Variants in HERC1 observed in about 807,000 individuals in gnomAD.
HERC1 encodes HECT and RLD domain containing E3 ubiquitin protein ligase family member 1, also known as probable E3 ubiquitin-protein ligase HERC1.
HERC1 carries 160 observed loss-of-function variants against 554.3 expected under a neutral mutation model. That is an observed-to-expected ratio of 0.29 (90% confidence interval 0.25 to 0.33). The LOEUF is 0.33. Among genes scored for constraint, HERC1 ranks in the 10% least tolerant of loss-of-function variants. The pLI is 1.00. For missense variants in HERC1, 4,919 were observed against 5,918.5 expected (o/e 0.83, Z 5.54); for synonymous variants, 2,175 against 2,131.7 (o/e 1.02, Z -0.56).
intron 61 of HERC1, among the ~76,000 whole-genome samples, chr15:63,639,925 T>C (rs1397132209): frequency 6.6e-6 from 1 of 152,212 alleles, no homozygotes; most frequent in African/African-American, 2.4e-5. Context: ...CATTGAGAGG[T>C]GGCAGGTTTA....
intron 12 of HERC1, among the ~76,000 whole-genome samples, chr15:63,743,376 C>G (rs1456145071): frequency 6.6e-5 from 10 of 151,372 alleles, no homozygotes; most frequent in Non-Finnish European, 1.0e-4. Flanking sequence ...ATTCTCCTGC[C>G]TTAGCCTCCC....
At chr15:63,619,726 A>G (rs553772706) in intron 74 of HERC1, among the ~76,000 whole-genome samples, 1,880 of 151,880 alleles carry the variant, frequency 0.012, 36 homozygotes, top group African/African-American at 0.044. Context: ...GTCTTGGGAG[A>G]GTGTATGTGT....
At chr15:63,618,644 G>A (rs975584818) in intron 74 of HERC1, among the ~76,000 whole-genome samples, 2 of 152,170 alleles carry the variant, frequency 1.3e-5, no homozygotes, top group Non-Finnish European at 2.9e-5. Flanking sequence ...AGCATGGAAT[G>A]TTCTTCCATT....
At chr15:63,647,972 T>C (rs1000021799) in intron 55 of HERC1, 97 bp downstream of exon 55, 15 of 929,976 alleles carry the variant, frequency 1.6e-5, no homozygotes, top group Non-Finnish European at 2.1e-5. Context: ...GGGTGATGGA[T>C]ATCTTAAAAT....
intron 33 of HERC1, among the ~76,000 whole-genome samples, chr15:63,688,977 T>C (rs1034766606): frequency 6.6e-6 from 1 of 152,190 alleles, no homozygotes; most frequent in Admixed American, 6.5e-5. Context: ...AATCAAAGCA[T>C]GTTGGTCCCC....
At chr15:63,644,461 C>T (rs1465409129) in intron 57 of HERC1, among the ~76,000 whole-genome samples, 4 of 152,004 alleles carry the variant, frequency 2.6e-5, no homozygotes, top group Admixed American at 6.6e-5. Flanking sequence ...AACTGACAAT[C>T]AGCTGTGTGC....
In HERC1 at chr15:63,733,168, CA is replaced by C. The variant is rs1445049604; in HGVS notation, c.2647-24del. The C allele has an allele frequency of 2.0e-6, 3 of 1,497,608 alleles. No individual in the cohort carries two copies. The African/African-American group carries it at 4.1e-5, about 21-fold the overall frequency. 92.8% of individuals were successfully genotyped at this position (1,497,608 alleles called of 1,614,324 possible). The stretch of plus-strand genomic sequence containing the variant: ...TCTCTAAAGAACAATAAAATAGGAA[CA>C]AGTAACTAGCGTAATATGCACTAGA... On this transcript the variant is annotated intron_variant, in intron 13 of 77. Coordinates refer to ENST00000443617, the MANE Select transcript of HERC1 (RefSeq NM_003922.4).
At chr15:63,768,215 C>G (rs1289632623) in intron 2 of HERC1, among the ~76,000 whole-genome samples, 3 of 152,168 alleles carry the variant, frequency 2.0e-5, no homozygotes, top group Non-Finnish European at 4.4e-5. Context: ...GTCAGTTTTT[C>G]TTTTTAATTA....
At chr15:63,655,590 T>G (rs915440414) in intron 50 of HERC1, among the ~76,000 whole-genome samples, 152 bp downstream of exon 50, 1 of 152,234 alleles carries the variant, frequency 6.6e-6, no homozygotes, top group South Asian at 2.1e-4. Context: ...TTTGTTTCCA[T>G]ACACAGTGAA....
chr15:63,704,959 C>T (rs1046697566), intron 25 of HERC1, among the ~76,000 whole-genome samples: 7 of 151,244 alleles, frequency 4.6e-5, no homozygotes, highest in Admixed American at 1.3e-4. Flanking sequence ...AGGATGGTGT[C>T]GATCTCCTGA....
intron 1 of HERC1, among the ~76,000 whole-genome samples, chr15:63,829,655 T>C (rs1429516947): frequency 2.0e-5 from 3 of 147,308 alleles, no homozygotes; most frequent in Non-Finnish European, 4.5e-5. Flanking sequence ...AAAACTCCAA[T>C]AAACATACCG....
At chr15:63,750,449 T>C (rs895702250) in intron 8 of HERC1, among the ~76,000 whole-genome samples, 9 of 152,190 alleles carry the variant, frequency 5.9e-5, no homozygotes, top group African/African-American at 2.2e-4. Flanking sequence ...GACTGACAAT[T>C]TGGCAACCCA....
intron 75 of HERC1, 30 bp downstream of exon 75, chr15:63,616,400 C>T: frequency 8.1e-6 from 13 of 1,600,668 alleles, no homozygotes; most frequent in Non-Finnish European, 1.1e-5. Flanking sequence ...ACGTCAACAC[C>T]AGTAGAAACA....
intron 8 of HERC1, 194 bp downstream of exon 8, chr15:63,752,764 G>A: frequency 2.1e-6 from 1 of 476,756 alleles, no homozygotes; most frequent in East Asian, 3.3e-5. Context: ...GATTTATCTG[G>A]GTCACATATG....
In HERC1 at chr15:63,612,345, C is replaced by T. The variant is rs759086324; in HGVS notation, c.14306G>A (p.Arg4769Gln). ...TGACACAAACCTCATGAAAAGCACC[C>T]GCTCCTCATTGGAGAACTCTTCCAG... ...HTLEEFSNEE[R>Q]VLFMRFVSGR... is the part of the protein sequence containing the mutation. Residue 4769 changes from arginine (R) to glutamine (Q), a missense_variant, in exon 77 of 78, where the codon CGG (arginine) becomes CAG (glutamine). Physicochemically the swap from Arg to Gln is conservative, Grantham distance 43. Transcript: ENST00000443617. This position sits in a 1 kb window ranked among gnomAD's most constrained non-coding sequence, Gnocchi z 5.0. 3.7e-6 allele frequency: 6 copies of T among 1,613,898 alleles called. No homozygotes were observed. Among genetic ancestry groups the T allele is most frequent in the Non-Finnish European group, 4.2e-6 (5 of 1,179,880 alleles).
intron 12 of HERC1, among the ~76,000 whole-genome samples, chr15:63,743,889 T>G (rs565783920): frequency 1.3e-5 from 2 of 152,250 alleles, no homozygotes; most frequent in African/African-American, 4.8e-5. Context: ...AGTTAGGTAT[T>G]TATTGTAGTC....
intron 18 of HERC1, 150 bp downstream of exon 18, chr15:63,725,142 T>C (rs2073987806): frequency 4.4e-6 from 3 of 675,146 alleles, no homozygotes; most frequent in South Asian, 1.9e-5. Context: ...CCATTTTTCT[T>C]AGGGCTCCAA....
chr15:63,729,150 G>A, intron 16 of HERC1, 86 bp downstream of exon 16: 1 of 1,196,070 alleles, frequency 8.4e-7, no homozygotes, highest in African/African-American at 1.5e-5. Flanking sequence ...TATTCCAGAG[G>A]CTTCTGGCTC....
chr15:63,684,313 C>G (rs2071630994), intron 34 of HERC1, among the ~76,000 whole-genome samples: 1 of 152,138 alleles, frequency 6.6e-6, no homozygotes, highest in Admixed American at 6.5e-5. Flanking sequence ...AAACTGTTCC[C>G]AGAAAGAAAC....
Sources: allele counts gnomAD v4.1 joint callset (sites outside exome capture counted in the v4.1 genomes callset), GRCh38; gene constraint gnomAD v4.1.1; non-coding constraint Gnocchi (gnomAD v3.1); transcripts MANE v1.5; gene names NCBI Gene and HGNC (gene_info 2026-07-23, HGNC 2026-07-21).